UBE2H: variants seen among roughly 807,000 people sequenced by gnomAD.
The protein encoded by UBE2H is ubiquitin conjugating enzyme E2 H.
Under a neutral mutation model 29.0 loss-of-function variants are expected in UBE2H, and 3 were observed. The observed-to-expected ratio is 0.10, with a 90% confidence interval of 0.05 to 0.27. The LOEUF (loss-of-function observed/expected upper bound fraction) is 0.27. Among genes scored for constraint, UBE2H ranks in the 10% least tolerant of loss-of-function variants. UBE2H has a pLI of 1.00. For synonymous variants in UBE2H, 69 were observed against 82.9 expected, an observed-to-expected ratio of 0.83 and a Z score of 0.91; for missense variants, 68 against 228.2, an observed-to-expected ratio of 0.30 and a Z score of 4.52.
chr7:129,869,303 C>T (rs2116343479), intron 3 of UBE2H, among the ~76,000 whole-genome samples: 1 of 152,226 alleles, frequency 6.6e-6, no homozygotes, highest in East Asian at 1.9e-4. Context: ...AGGACATACC[C>T]TGACCTTTGT....
intron 5 of UBE2H, among the ~76,000 whole-genome samples, chr7:129,847,389 T>C (rs962229614): frequency 2.0e-5 from 3 of 152,190 alleles, no homozygotes; most frequent in African/African-American, 7.2e-5. Context: ...GGCTTGTACC[T>C]GTAATCCCAG....
intron 1 of UBE2H, among the ~76,000 whole-genome samples, chr7:129,906,780 C>T (rs1806826559): frequency 6.6e-6 from 1 of 152,132 alleles, no homozygotes; most frequent in African/African-American, 2.4e-5. Context: ...GACCTCTTAC[C>T]AGTACTTCAA....
intron 1 of UBE2H, among the ~76,000 whole-genome samples, chr7:129,926,544 G>C (rs1036675464): frequency 2.0e-5 from 3 of 151,544 alleles, no homozygotes; most frequent in Non-Finnish European, 4.4e-5. Context: ...TCCTGGCCTC[G>C]AGTGATTCTC....
intron 1 of UBE2H, among the ~76,000 whole-genome samples, chr7:129,933,048 T>C (rs752981508): frequency 3.3e-5 from 5 of 152,206 alleles, no homozygotes; most frequent in Admixed American, 2.0e-4. Flanking sequence ...GCTATACTTA[T>C]GTGTATATAC....
intron 1 of UBE2H, among the ~76,000 whole-genome samples, chr7:129,949,981 GCC>G (rs1424651745): frequency 1.3e-5 from 2 of 152,058 alleles, no homozygotes; most frequent in African/African-American, 4.8e-5. Context: ...TCAACCCCCA[GCC>G]TTTTCACACA....
At position 129,834,753 on chromosome 7, in the gene UBE2H, G is replaced by C. The variant is rs1046591990; in HGVS notation, c.*184C>G. The C allele has an allele frequency of 4.3e-6, 3 of 692,568 alleles. No individual in the cohort carries two copies. Among genetic ancestry groups the C allele is most frequent in the Non-Finnish European group, 6.7e-6 (3 of 448,736 alleles). The allele number at this position is 692,568 out of a possible 1,614,324, so 42.9% of individuals were successfully genotyped here. A position where few individuals can be genotyped will look rare whatever the true frequency, so the allele number is the denominator to read the frequency against. ...ATGTGGGAATATGCTATGCACCTCA[G>C]GTTGAGAAATGACCAAGAAATCAAG... is the stretch of plus-strand genomic sequence containing the variant. On this transcript the variant is annotated 3_prime_UTR_variant, in exon 7 of 7. Transcript: ENST00000355621.
At chr7:129,903,538 G>A (rs932650745) in intron 1 of UBE2H, among the ~76,000 whole-genome samples, 3 of 152,162 alleles carry the variant, frequency 2.0e-5, no homozygotes, top group Non-Finnish European at 4.4e-5. Flanking sequence ...CCAGGTGGGA[G>A]AACCACTTGA....
intron 1 of UBE2H, among the ~76,000 whole-genome samples, chr7:129,882,768 G>A (rs986278654): frequency 1.3e-5 from 2 of 152,140 alleles, no homozygotes; most frequent in Non-Finnish European, 2.9e-5. Context: ...AATGTAATAA[G>A]TAAAAGCATA....
intron 2 of UBE2H, among the ~76,000 whole-genome samples, chr7:129,880,367 G>A (rs1170260703): frequency 6.6e-6 from 1 of 152,162 alleles, no homozygotes; most frequent in Non-Finnish European, 1.5e-5. Flanking sequence ...TGAGCTGGGC[G>A]TGGTGGCAGG....
chr7:129,861,190 C>T (rs910745163), intron 3 of UBE2H, among the ~76,000 whole-genome samples: 19 of 151,814 alleles, frequency 1.3e-4, no homozygotes, highest in African/African-American at 4.4e-4. Flanking sequence ...CGCCACTGCA[C>T]TCCAGCCTGG....
intron 1 of UBE2H, among the ~76,000 whole-genome samples, chr7:129,907,641 A>C (rs1176385596): frequency 6.6e-6 from 1 of 152,248 alleles, no homozygotes; most frequent in Non-Finnish European, 1.5e-5. Flanking sequence ...ACGGATGCAA[A>C]GCACAATTTT....
chr7:129,950,049 T>C (rs570164973), intron 1 of UBE2H, among the ~76,000 whole-genome samples: 2 of 152,310 alleles, frequency 1.3e-5, no homozygotes, highest in Non-Finnish European at 2.9e-5. Context: ...TTCTGCTAAA[T>C]ATACCTTACT....
intron 3 of UBE2H, among the ~76,000 whole-genome samples, chr7:129,868,088 A>C (rs1805950104): frequency 6.6e-6 from 1 of 152,212 alleles, no homozygotes; most frequent in African/African-American, 2.4e-5. Context: ...GGAAGCCAAA[A>C]ATACTTGTTT....
intron 5 of UBE2H, among the ~76,000 whole-genome samples, chr7:129,856,809 T>G (rs1330600508): frequency 6.6e-6 from 1 of 152,198 alleles, no homozygotes; most frequent in Non-Finnish European, 1.5e-5. Context: ...CAGGGATGAC[T>G]GTGGGACTTG....
chr7:129,854,060 G>GTTTTTTTTTTTTTT (rs56362841), intron 5 of UBE2H, among the ~76,000 whole-genome samples: 5 of 100,278 alleles, frequency 5.0e-5, no homozygotes, highest in African/African-American at 1.6e-4. Context: ...TTTAGTGTTA[G>GTTTTTTTTTTTTTT]TTTTTTTTTT....
chr7:129,887,560 T>C (rs1806389235), intron 1 of UBE2H, among the ~76,000 whole-genome samples: 1 of 152,168 alleles, frequency 6.6e-6, no homozygotes, highest in African/African-American at 2.4e-5. Flanking sequence ...TGGCCTCTCT[T>C]GAACATTTAT....
chr7:129,861,485 T>C (rs928954763), intron 3 of UBE2H, among the ~76,000 whole-genome samples: 7 of 152,130 alleles, frequency 4.6e-5, no homozygotes, highest in Non-Finnish European at 7.4e-5. Flanking sequence ...GTGTGGATGG[T>C]TGTCATGTTT....
chr7:129,952,485 C>T lies in UBE2H; in HGVS notation c.53+18G>A. 1 of 1,611,744 alleles carries T rather than the reference C, an allele frequency of 6.2e-7. No homozygotes were observed. Among genetic ancestry groups the T allele is most frequent in the Non-Finnish European group, 8.5e-7 (1 of 1,178,572 alleles). Reference sequence around the variant, plus strand: ...CCGCCCCCCACACACAGCCCGAATTCCCCTCCACGAAGGATACAGCTTGAC... The same window carrying T: ...CCGCCCCCCACACACAGCCCGAATTTCCCTCCACGAAGGATACAGCTTGAC... On this transcript the variant is annotated intron_variant, in intron 1 of 6. Coordinates refer to ENST00000355621, the MANE Select transcript of UBE2H (RefSeq NM_003344.4).
chr7:129,851,109 C>T (rs1318916643), intron 5 of UBE2H, among the ~76,000 whole-genome samples: 1 of 152,146 alleles, frequency 6.6e-6, no homozygotes, highest in Non-Finnish European at 1.5e-5. Flanking sequence ...ATTGTAGCCC[C>T]TTTCCCCCCA....
Sources: gnomAD v4.1 joint callset for allele counts (sites outside exome capture counted in the v4.1 genomes callset) on GRCh38, gnomAD v4.1.1 for gene constraint, MANE v1.5 for transcripts, NCBI Gene and HGNC (gene_info 2026-07-23, HGNC 2026-07-21) for gene names.